The following CEP85L variants were observed in gnomAD, a reference collection of about 807,000 sequenced individuals.
CEP85L encodes centrosomal protein 85L.
In CEP85L, 60 loss-of-function variants were observed where a neutral mutation model predicts 100.3. The observed-to-expected ratio is 0.60, with a 90% CI of 0.49 to 0.74. The LOEUF (loss-of-function observed/expected upper bound fraction) is 0.74. CEP85L is among the 30% of genes least tolerant of loss of function. The probability of loss-of-function intolerance (pLI) is 0.00; values close to 1 mark genes in which losing one functional copy is unlikely to be tolerated. For missense variants in CEP85L, 973 were observed against 936.2 expected, an observed-to-expected ratio of 1.04 and a Z score of -0.51; for synonymous variants, 319 against 322.7, an observed-to-expected ratio of 0.99 and a Z score of 0.12.
chr6:118,469,181 C>T lies in CEP85L; in HGVS notation c.2145G>A (p.Leu715=). 12 of 1,614,036 alleles carry T rather than the reference C, an allele frequency of 7.4e-6. No homozygotes were observed. The highest frequency in any genetic ancestry group is 1.0e-5 in the Non-Finnish European group (12 of 1,179,910). Residue 715 remains leucine, a synonymous_variant, in exon 12 of 13, where the codon CTG becomes CTA. Transcript: ENST00000368491. The part of the protein sequence containing the change: ...PLFDLTVIDQ[L]FKEMSCCLFD... ...ACAAACAACAGGACATTTCCTTGAA[C>T]AGCTGATCAATCACAGTCAAATCAA... is the stretch of plus-strand genomic sequence containing the variant.
At chr6:118,495,860 T>C (rs954578175) in intron 5 of CEP85L, among the ~76,000 whole-genome samples, 8 of 152,246 alleles carry the variant, frequency 5.3e-5, no homozygotes, top group African/African-American at 9.6e-5. Context: ...CACTGTGGTA[T>C]GCAATCCAGG....
intron 1 of CEP85L, among the ~76,000 whole-genome samples, chr6:118,678,496 C>T (rs1283313290): frequency 6.6e-6 from 1 of 152,212 alleles, no homozygotes. Context: ...ACACATCCTC[C>T]TCTGTACTTC....
At chr6:118,637,056 T>G (rs1021794345) in intron 1 of CEP85L, among the ~76,000 whole-genome samples, 10 of 152,158 alleles carry the variant, frequency 6.6e-5, no homozygotes, top group Non-Finnish European at 1.3e-4. Context: ...AATCCTCAAT[T>G]TCCATTACAG....
chr6:118,655,571 C>T (rs1220217662), upstream of CEP85L, among the ~76,000 whole-genome samples: 1 of 152,178 alleles, frequency 6.6e-6, no homozygotes, highest in Non-Finnish European at 1.5e-5. Flanking sequence ...GACACTGGAA[C>T]AGTAAATAGA....
chr6:118,495,126 A>G (rs1473888954), intron 5 of CEP85L, among the ~76,000 whole-genome samples: 2 of 150,412 alleles, frequency 1.3e-5, no homozygotes, highest in Admixed American at 6.6e-5. Flanking sequence ...GAAAAAGAGA[A>G]AAAAAAAAAA....
intron 1 of CEP85L, among the ~76,000 whole-genome samples, chr6:118,705,506 G>C (rs1231319250): frequency 1.3e-5 from 2 of 152,222 alleles, no homozygotes; most frequent in Non-Finnish European, 2.9e-5. Flanking sequence ...GCCCTCCCTA[G>C]TAAAAGGTTT....
intron 2 of CEP85L, among the ~76,000 whole-genome samples, chr6:118,602,100 T>A (rs540508593): frequency 5.3e-5 from 8 of 152,262 alleles, no homozygotes; most frequent in Middle Eastern, 3.4e-3. Flanking sequence ...TGCAGAGGGA[T>A]GAAGATCCAT....
intron 2 of CEP85L, among the ~76,000 whole-genome samples, chr6:118,568,467 T>C (rs185724832): frequency 3.3e-5 from 5 of 152,280 alleles, no homozygotes; most frequent in East Asian, 1.9e-4. Flanking sequence ...AATAAATCCA[T>C]GTATCTACAG....
rs1388761073 is a variant in CEP85L at position 118,462,593 on chromosome 6, G to A, written c.*2812C>T. On this transcript the variant is annotated 3_prime_UTR_variant, in exon 13 of 13. Coordinates refer to ENST00000368491, the MANE Select transcript of CEP85L (RefSeq NM_001042475.3). ...GATTCACAAAAAGCACAATTAAAAC[G>A]AGGTTTCATTATCTAAGTAAATTTT... 1.3e-5 allele frequency: 2 copies of A among 151,908 alleles called. No homozygotes were observed. The highest frequency in any genetic ancestry group is 2.4e-5 in the African/African-American group (1 of 41,412). The allele number at this position is 151,908 out of a possible 1,614,324, so 9.4% of individuals were successfully genotyped here. A position where few individuals can be genotyped will look rare whatever the true frequency, so the allele number is the denominator to read the frequency against.
At chr6:118,495,280 G>A (rs1453020927) in intron 5 of CEP85L, among the ~76,000 whole-genome samples, 2 of 152,262 alleles carry the variant, frequency 1.3e-5, no homozygotes, top group South Asian at 4.1e-4. Flanking sequence ...TTTGGGAGGT[G>A]CTGGGGTGGA....
intron 5 of CEP85L, among the ~76,000 whole-genome samples, chr6:118,496,630 G>C (rs1439178357): frequency 6.6e-6 from 1 of 152,160 alleles, no homozygotes; most frequent in Non-Finnish European, 1.5e-5. Context: ...TGGGATTACA[G>C]GCGTGAGCCA....
chr6:118,672,479 C>A (rs11756440), intron 1 of CEP85L, among the ~76,000 whole-genome samples: 62,880 of 151,772 alleles, frequency 0.41, 13,260 homozygotes, highest in Middle Eastern at 0.51. Context: ...CTTTAAGATG[C>A]CCCATGGCCA....
At chr6:118,658,517 A>G (rs978098462) in intron 1 of CEP85L, among the ~76,000 whole-genome samples, 3 of 152,116 alleles carry the variant, frequency 2.0e-5, no homozygotes, top group African/African-American at 7.2e-5. Flanking sequence ...GTCACTCTTA[A>G]TTATTTTATT....
chr6:118,665,153 A>G (rs1380363880), intron 1 of CEP85L, among the ~76,000 whole-genome samples: 1 of 152,046 alleles, frequency 6.6e-6, no homozygotes, highest in Non-Finnish European at 1.5e-5. Context: ...GACGGTAGGT[A>G]AGTCTCAGCC....
At chr6:118,543,681 A>G (rs946778632) in intron 3 of CEP85L, among the ~76,000 whole-genome samples, 3 of 152,232 alleles carry the variant, frequency 2.0e-5, no homozygotes, top group Admixed American at 2.0e-4. Flanking sequence ...TTCGGATAGA[A>G]GAAATAACAT....
In CEP85L at chr6:118,707,190, CTTT is replaced by C. The variant is rs5879468; in HGVS notation, c.-28+2843_-28+2845del. On this transcript the variant is annotated intron_variant, in intron 1 of 13. Transcript: ENST00000368488. ...TCCTTCTCATATTCCTCCTCATCTG[CTTT>C]TTTTTTTTTTTTCTTTTTTGAGACA... 1.3e-3 allele frequency among the ~76,000 whole-genome samples: 173 copies of C among 135,840 alleles called. 1 individual carries two copies. The highest frequency in any genetic ancestry group is 4.1e-3 in the African/African-American group (149 of 36,322). 89.1% of individuals were successfully genotyped at this position (135,840 alleles called of 152,430 possible).
chr6:118,562,015 T>C (rs1444580447), intron 3 of CEP85L, among the ~76,000 whole-genome samples: 1 of 152,198 alleles, frequency 6.6e-6, no homozygotes, highest in Non-Finnish European at 1.5e-5. Context: ...AGAAATTTTA[T>C]GCTAATATTA....
At chr6:118,637,832 A>G (rs762078888) in intron 1 of CEP85L, among the ~76,000 whole-genome samples, 17 of 152,140 alleles carry the variant, frequency 1.1e-4, no homozygotes, top group Non-Finnish European at 2.1e-4. Context: ...AAATAAATAA[A>G]TAAATACTAA....
At chr6:118,641,104 A>C (rs1026150360) in intron 1 of CEP85L, among the ~76,000 whole-genome samples, 2 of 152,160 alleles carry the variant, frequency 1.3e-5, no homozygotes, top group Non-Finnish European at 2.9e-5. Context: ...TCTGCTCCTC[A>C]TGAGGTACAG....
Sources: allele counts gnomAD v4.1 joint callset (sites outside exome capture counted in the v4.1 genomes callset), GRCh38; gene constraint gnomAD v4.1.1; transcripts MANE v1.5; gene names NCBI Gene and HGNC (gene_info 2026-07-23, HGNC 2026-07-21).